Variants in TMPRSS3 observed in about 807,000 individuals in gnomAD.
The protein encoded by TMPRSS3 is transmembrane protease serine 3.
A neutral mutation model predicts 59.6 loss-of-function variants in TMPRSS3; 55 were observed. The observed-to-expected ratio is 0.92, with a 90% CI of 0.74 to 1.16. TMPRSS3 has a LOEUF of 1.16. TMPRSS3 is among the 50% of genes most tolerant of loss of function. TMPRSS3 has a pLI of 0.00. For missense variants in TMPRSS3, 596 were observed against 579.4 expected (o/e 1.03, Z -0.29); for synonymous variants, 257 against 237.7 (o/e 1.08, Z -0.75).
At chr21:42,391,718 G>T (rs188476627) in intron 2 of TMPRSS3, among the ~76,000 whole-genome samples, 280 of 152,306 alleles carry the variant, frequency 1.8e-3, no homozygotes, top group African/African-American at 6.4e-3. Flanking sequence ...GCCCCTTGCT[G>T]CACTGTGAGG....
rs2146415487 is a variant in TMPRSS3, at chr21:42,372,787, T to C, written c.1345-8A>G. On this transcript the variant is annotated splice_region_variant and splice_polypyrimidine_tract_variant and intron_variant, in intron 12 of 12. Coordinates refer to ENST00000644384, the MANE Select transcript of TMPRSS3 (RefSeq NM_001256317.3). ...TCAGGTTTTTAGGTCTCTCTATAAA[T>C]GAAAACAAAGGCGTTATTGTTTTTA... 1 of 1,614,030 alleles carries C rather than the reference T, an allele frequency of 6.2e-7. No homozygotes were observed. The highest frequency in any genetic ancestry group is 8.5e-7 in the Non-Finnish European group (1 of 1,179,946).
intron 6 of TMPRSS3, among the ~76,000 whole-genome samples, chr21:42,385,075 T>TCCTTCCTTCCTCCCTCTCTTCCTC (rs1415305906): frequency 2.5e-5 from 1 of 40,810 alleles, no homozygotes; most frequent in Non-Finnish European, 3.9e-5. Flanking sequence ...CTCCCTCCCT[T>TCCTTCCTTCCTCCCTCTCTTCCTC]CCTCTTTTCC....
chr21:42,389,798 A>G, intron 3 of TMPRSS3, 129 bp downstream of exon 3: 1 of 772,406 alleles, frequency 1.3e-6, no homozygotes, highest in Non-Finnish European at 2.3e-6. Flanking sequence ...TCAGCAAACC[A>G]AAAGGATGTT....
Position 42,395,453 on chromosome 21 carries a change from C to G in TMPRSS3, c.-36G>C, listed in dbSNP as rs186244930. 1.8e-4 allele frequency: 283 copies of G among 1,558,260 alleles called. 1 individual carries two copies. In the East Asian group the frequency reaches 5.7e-3, roughly 32 times the overall value. On this transcript the variant is annotated 5_prime_UTR_variant, in exon 2 of 13. Transcript: ENST00000644384. ...TCAGGACCTCTGACATCCGGCTCCG[C>G]CTCCACCTCTACCTCCTTAGCCGAG...
chr21:42,382,231 C>G lies in TMPRSS3; in HGVS notation c.786G>C (p.Leu262Phe), dbSNP rs149869600. ...GGATGGTCCATGACTTGGGGAGGTA[C>G]AAGCTGAAATGAGAAGAGCAAGAGG... ...IITAAHCVYD[L>F]YLPKSWTIQV... Residue 262 changes from leucine to phenylalanine, a missense_variant, in exon 9 of 13, where the codon TTG (leucine) becomes TTC (phenylalanine). Leu to Phe is a conservative substitution (Grantham distance 22). Transcript: ENST00000644384. The G allele has an allele frequency of 1.2e-6, 2 of 1,613,962 alleles. No individual in the cohort carries two copies. Among genetic ancestry groups the G allele is most frequent in the African/African-American group, 2.7e-5 (2 of 74,906 alleles).
chr21:42,381,882 C>A (rs2146433694), intron 9 of TMPRSS3, 183 bp downstream of exon 9: 2 of 787,706 alleles, frequency 2.5e-6, no homozygotes, highest in East Asian at 2.7e-5. Flanking sequence ...GAGCTAGGAG[C>A]ATCACAATTT....
intron 12 of TMPRSS3, among the ~76,000 whole-genome samples, chr21:42,374,025 C>A (rs964984028): frequency 6.6e-6 from 1 of 152,156 alleles, no homozygotes; most frequent in African/African-American, 2.4e-5. Context: ...ACTGCAGACC[C>A]GTGTGGAGGA....
chr21:42,381,562 T>G (rs941391412), intron 9 of TMPRSS3, among the ~76,000 whole-genome samples: 4 of 152,202 alleles, frequency 2.6e-5, no homozygotes, highest in African/African-American at 9.7e-5. Flanking sequence ...TTCCACCACC[T>G]AGAGGCCCCA....
At chr21:42,389,140 G>A (rs182241621) in intron 3 of TMPRSS3, 95 bp from the exon 4 acceptor site, 64 of 1,575,600 alleles carry the variant, frequency 4.1e-5, no homozygotes, top group Admixed American at 1.5e-4. Context: ...GAGCTGGCCC[G>A]TGAATAATGA....
chr21:42,377,372 G>A (rs1157151810), intron 10 of TMPRSS3, among the ~76,000 whole-genome samples: 1 of 152,176 alleles, frequency 6.6e-6, no homozygotes, highest in African/African-American at 2.4e-5. Context: ...GACCAAGGAG[G>A]GGCACGAGCC....
At position 42,375,705 on chromosome 21, in the gene TMPRSS3, GC is replaced by G; in HGVS notation, c.1344+10del. Reference sequence around the variant, plus strand: ...AGGGACAACGTGAGCTGGGGAGGGCGCCGCACCCACCTCCATCTGCTCGTGG... The same window carrying G: ...AGGGACAACGTGAGCTGGGGAGGGCGCGCACCCACCTCCATCTGCTCGTGG... On this transcript the variant is annotated intron_variant, in intron 12 of 12. Coordinates refer to ENST00000644384, the MANE Select transcript of TMPRSS3 (RefSeq NM_001256317.3). 2.5e-6 allele frequency: 4 copies of G among 1,613,632 alleles called. No homozygotes were observed. The highest frequency in any genetic ancestry group is 3.4e-6 in the Non-Finnish European group (4 of 1,180,000).
intron 1 of TMPRSS3, 35 bp from the exon 2 acceptor site, chr21:42,395,503 C>A: frequency 8.7e-7 from 1 of 1,155,704 alleles, no homozygotes; most frequent in South Asian, 1.3e-5. Flanking sequence ...ATTTGTTCCC[C>A]TATTTATACT....
rs1364951956 is a variant in TMPRSS3 at position 42,375,701 on chromosome 21, G to A, written c.1344+15C>T. 1 of 1,613,640 alleles carries A rather than the reference G, an allele frequency of 6.2e-7. No individual in the cohort carries two copies. The highest frequency in any genetic ancestry group is 2.2e-5 in the East Asian group (1 of 44,866). On this transcript the variant is annotated intron_variant, in intron 12 of 12. Coordinates refer to ENST00000644384, the MANE Select transcript of TMPRSS3 (RefSeq NM_001256317.3). ...AGCCAGGGACAACGTGAGCTGGGGA[G>A]GGCGCCGCACCCACCTCCATCTGCT...
intron 1 of TMPRSS3, 97 bp downstream of exon 1, chr21:42,395,845 C>A: frequency 2.2e-6 from 1 of 449,644 alleles, no homozygotes. Flanking sequence ...CTTTCCATTG[C>A]TTTTTTGCGA....
rs944116294 is a variant in TMPRSS3 at position 42,388,748 on chromosome 21, C to T, written c.322+181G>A. Among the ~76,000 whole-genome samples, 1 of 151,852 alleles carries T rather than the reference C, an allele frequency of 6.6e-6. No homozygotes were observed. The highest frequency in any genetic ancestry group is 1.5e-5 in the Non-Finnish European group (1 of 67,866). ...TGGTCTCCCCAAGAGAGCCAGAGCT[C>T]CATGGAAGGCCCTCCCTGACCCCCC... On this transcript the variant is annotated intron_variant, in intron 4 of 12. Coordinates refer to ENST00000644384, the MANE Select transcript of TMPRSS3 (RefSeq NM_001256317.3). This position sits in a 1 kb window ranked among gnomAD's most constrained non-coding sequence, Gnocchi z 5.1.
intron 7 of TMPRSS3, 52 bp from the exon 8 acceptor site, chr21:42,383,250 G>A (rs764090976): frequency 6.3e-7 from 1 of 1,597,748 alleles, no homozygotes. Flanking sequence ...TTCTTTGGGG[G>A]ACATGGTGTC....
chr21:42,376,588 A>T lies in TMPRSS3; in HGVS notation c.1144T>A (p.Ser382Thr), dbSNP rs772776809. 4 of 1,613,674 alleles carry T rather than the reference A, an allele frequency of 2.5e-6. No homozygotes were observed. The African/African-American group carries it at 5.3e-5, about 22-fold the overall frequency. Reference sequence around the variant, plus strand: ...GTCAGGTAGCCCGCGCAGAGCATGGAGGGGGAGATGATGCCACCGTACACG... The same window carrying T: ...GTCAGGTAGCCCGCGCAGAGCATGGTGGGGGAGATGATGCCACCGTACACG... ...RDVYGGIISPSMLCAGYLTGG... is the reference protein window; with the variant it reads ...RDVYGGIISPTMLCAGYLTGG... The change falls in exon 11 of 13, where the codon TCC becomes ACC. Residue 382 changes from serine (S) to threonine (T), a missense_variant. Physicochemically the swap from Ser to Thr is moderately conservative, Grantham distance 58. Transcript: ENST00000644384.
chr21:42,389,516 C>A (rs112339204), intron 3 of TMPRSS3, among the ~76,000 whole-genome samples: 1 of 152,350 alleles, frequency 6.6e-6, no homozygotes, highest in African/African-American at 2.4e-5. Flanking sequence ...CTATTAGAGA[C>A]CCTCCATCCA....
In TMPRSS3 at chr21:42,383,084, C is replaced by A. The variant is rs397517377; in HGVS notation, c.731G>T (p.Gly244Val). 6.2e-6 allele frequency: 10 copies of A among 1,614,034 alleles called. No homozygotes were observed. The highest frequency in any genetic ancestry group is 3.3e-5 in the Admixed American group (2 of 60,012). ...LQFQGYHLCGGSVITPLWIIT... is the reference protein window; with the variant it reads ...LQFQGYHLCGVSVITPLWIIT... The stretch of plus-strand genomic sequence containing the variant: ...GATCCACAGGGGCGTGATGACAGAG[C>A]CCCCGCACAGGTGGTAGCCCTGGAA... Residue 244 changes from glycine to valine, a missense_variant, in exon 8 of 13, where the codon GGC becomes GTC. By Grantham distance (109) the Gly-to-Val change is moderately radical. Transcript: ENST00000644384.
Sources: gnomAD v4.1 joint callset for allele counts (sites outside exome capture counted in the v4.1 genomes callset) on GRCh38, gnomAD v4.1.1 for gene constraint, Gnocchi (gnomAD v3.1) non-coding constraint, MANE v1.5 for transcripts, NCBI Gene and HGNC (gene_info 2026-07-23, HGNC 2026-07-21) for gene names.